NEBL: variants seen among roughly 807,000 people sequenced by gnomAD.
The protein encoded by NEBL is nebulette, also known as LIM and SH3 protein 2.
A neutral mutation model predicts 140.2 loss-of-function variants in NEBL; 122 were observed. The observed-to-expected ratio is 0.87, with a 90% CI of 0.75 to 1.01. NEBL has a LOEUF of 1.01. NEBL is among the 50% of genes least tolerant of loss of function. The pLI, the probability that NEBL is intolerant of heterozygous loss-of-function variation, is 0.00. For synonymous variants in NEBL, 436 were observed against 398.9 expected, an observed-to-expected ratio of 1.09 and a Z score of -1.11; for missense variants, 1,365 against 1,231.3, an observed-to-expected ratio of 1.11 and a Z score of -1.62.
intron 21 of NEBL, 50 bp from the exon 22 acceptor site, chr10:20,815,767 A>T: frequency 8.1e-7 from 1 of 1,231,280 alleles, no homozygotes; most frequent in South Asian, 1.2e-5. Context: ...AATTCAACAA[A>T]GAGACTTATT....
intron 2 of NEBL, among the ~76,000 whole-genome samples, chr10:21,097,126 A>G (rs1374934307): frequency 1.3e-5 from 2 of 151,268 alleles, no homozygotes; most frequent in East Asian, 3.9e-4. Context: ...AAAATTTATA[A>G]TAATTATTCA....
intron 4 of NEBL, among the ~76,000 whole-genome samples, chr10:20,902,590 A>C (rs1470037214): frequency 6.6e-6 from 1 of 152,168 alleles, no homozygotes; most frequent in African/African-American, 2.4e-5. Context: ...AGCCCAAATT[A>C]AAACGATGTA....
intron 2 of NEBL, among the ~76,000 whole-genome samples, chr10:21,042,031 C>T (rs1183866642): frequency 1.3e-5 from 2 of 152,192 alleles, no homozygotes; most frequent in Non-Finnish European, 2.9e-5. Flanking sequence ...TTTACCACGT[C>T]CTGTTTTATC....
At chr10:21,238,010 A>G (rs1842383182) in intron 3 of NEBL, among the ~76,000 whole-genome samples, 1 of 152,224 alleles carries the variant, frequency 6.6e-6, no homozygotes, top group Non-Finnish European at 1.5e-5. Flanking sequence ...AAGTGTCTTC[A>G]TCCCTACAGC....
At chr10:21,123,987 C>T (rs1838702622) in intron 2 of NEBL, among the ~76,000 whole-genome samples, 1 of 151,722 alleles carries the variant, frequency 6.6e-6, no homozygotes, top group Non-Finnish European at 1.5e-5. Context: ...TGTGTGTTCA[C>T]TGGCACCAAT....
intron 24 of NEBL, among the ~76,000 whole-genome samples, chr10:20,811,678 C>T (rs1230416089): frequency 6.6e-6 from 1 of 152,176 alleles, no homozygotes; most frequent in Non-Finnish European, 1.5e-5. Context: ...AGACATTACC[C>T]TGTCAAATTT....
Position 21,259,739 on chromosome 10 carries a change from G to T in NEBL, n.183-7911C>A, listed in dbSNP as rs116694987. On this transcript the variant is annotated intron_variant and non_coding_transcript_variant, in intron 1 of 8. Coordinates refer to the NEBL transcript ENST00000675702. Reference sequence around the variant, plus strand: ...AACAATCAGCAGAATTGCACCCCACGTGCGATGGCTTCAGGGATGTGTAGT... The same window carrying T: ...AACAATCAGCAGAATTGCACCCCACTTGCGATGGCTTCAGGGATGTGTAGT... 5.9e-3 allele frequency among the ~76,000 whole-genome samples: 896 copies of T among 152,224 alleles called. 10 individuals are homozygous for T. Among genetic ancestry groups the T allele is most frequent in the African/African-American group, 0.021 (854 of 41,540 alleles).
intron 2 of NEBL, among the ~76,000 whole-genome samples, chr10:21,119,637 T>C (rs2613970): frequency 0.023 from 3,518 of 152,080 alleles, 41 homozygotes; most frequent in Non-Finnish European, 0.031. Flanking sequence ...TAGCAAGCAT[T>C]ATGACAATTA....
At chr10:21,067,819 A>G (rs773797183) in intron 2 of NEBL, among the ~76,000 whole-genome samples, 14 of 152,058 alleles carry the variant, frequency 9.2e-5, no homozygotes, top group Non-Finnish European at 1.6e-4. Context: ...TCTACCAAAA[A>G]AAAATTAAAA....
chr10:21,094,350 A>C (rs1332401174), intron 2 of NEBL, among the ~76,000 whole-genome samples: 2 of 151,968 alleles, frequency 1.3e-5, no homozygotes, highest in African/African-American at 4.8e-5. Flanking sequence ...AAAATATAAA[A>C]AATTAGCCGG....
At position 21,108,317 on chromosome 10, in the gene NEBL, C is replaced by G. The variant is rs190345355; in HGVS notation, c.164+64066G>C. Among the ~76,000 whole-genome samples the G allele has an allele frequency of 5.3e-5, 8 of 152,304 alleles. No homozygotes were observed. In the East Asian group the frequency reaches 1.5e-3, roughly 29 times the overall value. On this transcript the variant is annotated intron_variant, in intron 2 of 6. Transcript: ENST00000417816. Reference sequence around the variant, plus strand: ...GGCATTTAGTGCTATAAATTTCCCTCTACACACTGCTTTAAATGTGTCCCA... The same window carrying G: ...GGCATTTAGTGCTATAAATTTCCCTGTACACACTGCTTTAAATGTGTCCCA...
chr10:21,041,778 A>G (rs865992065), intron 2 of NEBL, among the ~76,000 whole-genome samples: 2 of 152,202 alleles, frequency 1.3e-5, no homozygotes, highest in Non-Finnish European at 2.9e-5. Context: ...GCTAAACAAG[A>G]GGTGGAGTAT....
chr10:20,942,551 A>G (rs965634776), intron 4 of NEBL, among the ~76,000 whole-genome samples: 3 of 152,218 alleles, frequency 2.0e-5, no homozygotes, highest in Non-Finnish European at 4.4e-5. Flanking sequence ...TGTCTAAAAC[A>G]CCAAAAGCAA....
chr10:21,171,405 A>C (rs762883734), intron 2 of NEBL: 1 of 152,088 alleles, frequency 6.6e-6, no homozygotes, highest in Non-Finnish European at 1.5e-5. Flanking sequence ...ATCAGGGCCA[A>C]GAGCTTACAG....
chr10:21,171,697 T>A (rs528982749), intron 2 of NEBL: 95 of 155,094 alleles, frequency 6.1e-4, no homozygotes, highest in Non-Finnish European at 1.1e-3. Flanking sequence ...GTGAGCGCGA[T>A]ATAAATGCTA....
chr10:21,224,014 T>A (rs990927262), intron 3 of NEBL, among the ~76,000 whole-genome samples: 1 of 152,224 alleles, frequency 6.6e-6, no homozygotes, highest in Non-Finnish European at 1.5e-5. Context: ...TTCTTTGCTG[T>A]GCAGAAGCTT....
At chr10:20,958,318 G>A (rs372950954) in intron 4 of NEBL, among the ~76,000 whole-genome samples, 12 of 152,160 alleles carry the variant, frequency 7.9e-5, no homozygotes, top group African/African-American at 2.9e-4. Context: ...CCTAGAGTTT[G>A]GGGGCAAGGA....
At chr10:20,812,377 T>C (rs1295428552) in intron 24 of NEBL, among the ~76,000 whole-genome samples, 1 of 152,062 alleles carries the variant, frequency 6.6e-6, no homozygotes, top group Non-Finnish European at 1.5e-5. Flanking sequence ...AACATGCAGG[T>C]TTGTTACATA....
intron 18 of NEBL, among the ~76,000 whole-genome samples, chr10:20,823,821 A>G (rs917212798): frequency 6.6e-6 from 1 of 152,158 alleles, no homozygotes; most frequent in Non-Finnish European, 1.5e-5. Context: ...AGTGAGCACA[A>G]TAAAAGAAGA....
Sources: allele counts gnomAD v4.1 joint callset (sites outside exome capture counted in the v4.1 genomes callset), GRCh38; gene constraint gnomAD v4.1.1; transcripts MANE v1.5; gene names NCBI Gene and HGNC (gene_info 2026-07-23, HGNC 2026-07-21).